The following MSRA variants were observed in gnomAD, a reference collection of about 807,000 sequenced individuals.
MSRA encodes the protein methionine sulfoxide reductase A, also known as mitochondrial peptide methionine sulfoxide reductase.
In MSRA, 54 loss-of-function variants were observed where a neutral mutation model predicts 31.3. The ratio of observed to expected loss-of-function variants is 1.73; its 90% confidence interval spans 1.39 to 2.17. The LOEUF (loss-of-function observed/expected upper bound fraction) is 2.17, where lower values mean the gene tolerates loss of function less well. Ranked by LOEUF, MSRA falls within the 30% of genes most tolerant of loss-of-function variation. The probability of loss-of-function intolerance (pLI) is 0.00; values close to 1 mark genes in which losing one functional copy is unlikely to be tolerated. For missense variants in MSRA, 507 were observed against 300.9 expected (o/e 1.69, Z -5.07); for synonymous variants, 169 against 116.5 (o/e 1.45, Z -2.90).
intron 5 of MSRA, among the ~76,000 whole-genome samples, chr8:10,343,468 G>T (rs1293742979): frequency 1.3e-5 from 2 of 152,148 alleles, no homozygotes; most frequent in Non-Finnish European, 2.9e-5. Flanking sequence ...ATTTGTTTCT[G>T]GCATATGGTT....
chr8:10,161,875 G>A (rs753008445), intron 1 of MSRA, among the ~76,000 whole-genome samples: 4 of 152,076 alleles, frequency 2.6e-5, no homozygotes, highest in Non-Finnish European at 4.4e-5. Context: ...ATCTCTCCCC[G>A]CCTCTGACAC....
At chr8:10,175,840 C>T (rs1057102589) in intron 1 of MSRA, among the ~76,000 whole-genome samples, 3 of 152,164 alleles carry the variant, frequency 2.0e-5, no homozygotes, top group Non-Finnish European at 2.9e-5. Context: ...CTCTATTCGC[C>T]GTTTTTAATA....
At chr8:10,118,607 C>T (rs550163592) in intron 1 of MSRA, among the ~76,000 whole-genome samples, 7 of 152,256 alleles carry the variant, frequency 4.6e-5, no homozygotes, top group African/African-American at 1.4e-4. Context: ...CCCACCGCTC[C>T]GCCCACACCC....
intron 2 of MSRA, among the ~76,000 whole-genome samples, chr8:10,244,050 A>G (rs150135403): frequency 6.6e-6 from 1 of 152,220 alleles, no homozygotes; most frequent in African/African-American, 2.4e-5. Flanking sequence ...GAATTTCAGT[A>G]AACTTCTAAT....
At chr8:10,358,952 C>T (rs1024078231) in intron 5 of MSRA, among the ~76,000 whole-genome samples, 3 of 152,082 alleles carry the variant, frequency 2.0e-5, no homozygotes, top group African/African-American at 7.2e-5. Context: ...GTTGTACACT[C>T]CTTATGAGAA....
At chr8:10,109,715 C>G (rs922858237) in intron 1 of MSRA, among the ~76,000 whole-genome samples, 2 of 152,124 alleles carry the variant, frequency 1.3e-5, no homozygotes, top group Non-Finnish European at 2.9e-5. Flanking sequence ...TTTGAAGAAA[C>G]TTTATTTCTG....
intron 2 of MSRA, among the ~76,000 whole-genome samples, chr8:10,243,619 TAATAGG>T (rs1316997925): frequency 6.6e-6 from 1 of 152,166 alleles, no homozygotes; most frequent in Non-Finnish European, 1.5e-5. Flanking sequence ...ATTCTTAAAG[TAATAGG>T]AATTTATTAC....
chr8:10,418,815 T>TAA (rs71203323), intron 5 of MSRA, among the ~76,000 whole-genome samples: 870 of 66,006 alleles, frequency 0.013, 47 homozygotes, highest in Middle Eastern at 0.042. Context: ...TTACTACGAC[T>TAA]AAAAAAAAAA....
At chr8:10,317,850 C>T (rs1222954075) in intron 4 of MSRA, among the ~76,000 whole-genome samples, 1 of 152,166 alleles carries the variant, frequency 6.6e-6, no homozygotes, top group Non-Finnish European at 1.5e-5. Context: ...TATGCTCACT[C>T]AGGGTTCCAG....
intron 1 of MSRA, among the ~76,000 whole-genome samples, chr8:10,146,166 G>A (rs1280437940): frequency 1.3e-5 from 2 of 152,162 alleles, no homozygotes; most frequent in East Asian, 1.9e-4. Flanking sequence ...CCCTAGAGCA[G>A]CAAAGAATGG....
At chr8:10,224,423 C>T (rs1810810634) in intron 2 of MSRA, among the ~76,000 whole-genome samples, 1 of 152,058 alleles carries the variant, frequency 6.6e-6, no homozygotes, top group African/African-American at 2.4e-5. Flanking sequence ...CCCAAACAAA[C>T]AACAGTATTC....
At chr8:10,138,094 C>G (rs904464986) in intron 1 of MSRA, among the ~76,000 whole-genome samples, 2 of 152,160 alleles carry the variant, frequency 1.3e-5, no homozygotes, top group African/African-American at 4.8e-5. Flanking sequence ...GCCTTGGCTT[C>G]TTGGAGCTGG....
In MSRA at chr8:10,428,377, T is replaced by C; in HGVS notation, c.*65T>C. 6.5e-7 allele frequency: 1 copy of C among 1,529,078 alleles called. No homozygotes were observed. Among genetic ancestry groups the C allele is most frequent in the South Asian group, 1.2e-5 (1 of 85,738 alleles). The allele number at this position is 1,529,078 out of a possible 1,614,324, so 94.7% of individuals were successfully genotyped here. A position where few individuals can be genotyped will look rare whatever the true frequency, so the allele number is the denominator to read the frequency against. On this transcript the variant is annotated 3_prime_UTR_variant, in exon 6 of 6. Transcript: ENST00000317173. ...ATGCTTTCAACAAATTGGGCAATGC[T>C]TGTGTGATTCACAATCGTGGCATTT... is the stretch of plus-strand genomic sequence containing the variant.
chr8:10,131,278 T>C (rs1298544611), intron 1 of MSRA, among the ~76,000 whole-genome samples: 1 of 152,322 alleles, frequency 6.6e-6, no homozygotes, highest in Admixed American at 6.5e-5. Flanking sequence ...AAATAAAGCC[T>C]AAATTAAATG....
In MSRA at chr8:10,289,045, C is replaced by G. The variant is rs551862914; in HGVS notation, c.332-12489C>G. Reference sequence around the variant, plus strand: ...TTATCTTATTTTTTTGAAATGGAGTCTCGCTCTGTCGCCAGGCTGGAGTGC... The same window carrying G: ...TTATCTTATTTTTTTGAAATGGAGTGTCGCTCTGTCGCCAGGCTGGAGTGC... On this transcript the variant is annotated intron_variant, in intron 3 of 5. Transcript: ENST00000317173. 1.2e-3 allele frequency among the ~76,000 whole-genome samples: 176 copies of G among 150,622 alleles called. 1 individual carries two copies. In the South Asian group the frequency reaches 0.035, roughly 30 times the overall value.
intron 1 of MSRA, among the ~76,000 whole-genome samples, chr8:10,116,073 C>CGGTCTGCCCTCATGGTGCA: frequency 6.6e-6 from 1 of 152,038 alleles, no homozygotes; most frequent in Non-Finnish European, 1.5e-5. Flanking sequence ...GGTAGCTTGG[C>CGGTCTGCCCTCATGGTGCA]GGTCTGCCCT....
At chr8:10,222,418 G>T (rs1388351809) in intron 2 of MSRA, among the ~76,000 whole-genome samples, 1 of 151,392 alleles carries the variant, frequency 6.6e-6, no homozygotes, top group Non-Finnish European at 1.5e-5. Flanking sequence ...ATTGTAAATT[G>T]GTACAGCCAT....
Position 10,245,165 on chromosome 8 carries a change from T to G in MSRA, c.273T>G (p.Thr91=), listed in dbSNP as rs749312239. 3.1e-6 allele frequency: 5 copies of G among 1,613,860 alleles called. No individual in the cohort carries two copies. The South Asian group carries it at 4.4e-5, about 14-fold the overall frequency. The change falls in exon 3 of 6, where the codon ACT becomes ACG. Residue 91 remains threonine, a synonymous_variant. Transcript: ENST00000317173. ...GGGTCTTGAAAGGAGTGTATTCAAC[T>G]CAAGTTGGTTTTGCAGGAGGCTATA... The part of the protein sequence containing the change: ...KFWVLKGVYS[T]QVGFAGGYTS...
Position 10,211,218 on chromosome 8 carries a change from G to A in MSRA, c.211+3317G>A, listed in dbSNP as rs186145221. ...GTGTGGGATAAAGGCATTCCAGTGT[G>A]AAAAATGCATGAATGGTCATATCAA... On this transcript the variant is annotated intron_variant, in intron 2 of 5. Transcript: ENST00000317173. Among the ~76,000 whole-genome samples, 151 of 152,260 alleles carry A rather than the reference G, an allele frequency of 9.9e-4. 1 individual carries two copies. The highest frequency in any genetic ancestry group is 9.8e-3 in the Admixed American group (150 of 15,304).
Sources: allele counts gnomAD v4.1 joint callset (sites outside exome capture counted in the v4.1 genomes callset), GRCh38; gene constraint gnomAD v4.1.1; transcripts MANE v1.5; gene names NCBI Gene and HGNC (gene_info 2026-07-23, HGNC 2026-07-21).